The following OXR1 variants were observed in gnomAD, a reference collection of about 807,000 sequenced individuals.
OXR1 encodes oxidation resistance 1, also known as oxidation resistance protein 1.
Under a neutral mutation model 104.6 loss-of-function variants are expected in OXR1, and 41 were observed. The ratio of observed to expected loss-of-function variants is 0.39; its 90% confidence interval spans 0.31 to 0.51. The LOEUF (loss-of-function observed/expected upper bound fraction) is 0.51. Among genes scored for constraint, OXR1 ranks in the 20% least tolerant of loss-of-function variants. The pLI is 0.77. For synonymous variants in OXR1, 348 were observed against 348.4 expected (o/e 1.00, Z 0.01); for missense variants, 955 against 1,031.9 (o/e 0.93, Z 1.02).
intron 2 of OXR1, among the ~76,000 whole-genome samples, chr8:106,415,208 T>A (rs1026053257): frequency 3.9e-5 from 6 of 152,164 alleles, no homozygotes; most frequent in Non-Finnish European, 5.9e-5. Flanking sequence ...AAATCTCTCA[T>A]CCTTGTAAAT....
At chr8:106,484,949 G>T (rs1305746848) in intron 2 of OXR1, among the ~76,000 whole-genome samples, 3 of 151,768 alleles carry the variant, frequency 2.0e-5, no homozygotes, top group African/African-American at 7.3e-5. Flanking sequence ...GTAGATAAAT[G>T]GATAAATAAA....
intron 1 of OXR1, among the ~76,000 whole-genome samples, chr8:106,298,517 C>T (rs1266313913): frequency 4.6e-5 from 7 of 152,074 alleles, no homozygotes; most frequent in Non-Finnish European, 8.8e-5. Context: ...CCCAGCCAGA[C>T]CATATCAGAA....
At chr8:106,277,330 T>C (rs1238075737) in intron 1 of OXR1, among the ~76,000 whole-genome samples, 1 of 152,202 alleles carries the variant, frequency 6.6e-6, no homozygotes, top group Non-Finnish European at 1.5e-5. Flanking sequence ...TTAAGAATCA[T>C]ATCCACCGGA....
intron 2 of OXR1, among the ~76,000 whole-genome samples, chr8:106,470,688 A>G (rs1234191202): frequency 6.6e-6 from 1 of 151,454 alleles, no homozygotes; most frequent in Non-Finnish European, 1.5e-5. Flanking sequence ...TAGATAGAAA[A>G]GAGAAGGCCA....
chr8:106,339,519 AATATATATATAT>A (rs756741127), intron 1 of OXR1, among the ~76,000 whole-genome samples: 447 of 33,284 alleles, frequency 0.013, 26 homozygotes, highest in African/African-American at 0.038. Flanking sequence ...AAAAAAAAAA[AATATATATATAT>A]ATATATATAT....
At chr8:106,516,420 G>A (rs1812864116) in intron 2 of OXR1, among the ~76,000 whole-genome samples, 1 of 152,138 alleles carries the variant, frequency 6.6e-6, no homozygotes, top group Non-Finnish European at 1.5e-5. Flanking sequence ...TGTTTTGCCT[G>A]TGTTGTTCAC....
At chr8:106,518,333 G>C (rs1214002792) in intron 2 of OXR1, among the ~76,000 whole-genome samples, 3 of 152,142 alleles carry the variant, frequency 2.0e-5, no homozygotes, top group African/African-American at 7.2e-5. Flanking sequence ...ACAATGATTT[G>C]TATGCCAAAG....
chr8:106,671,098 T>G (rs2131156433), intron 3 of OXR1, among the ~76,000 whole-genome samples: 1 of 143,248 alleles, frequency 7.0e-6, no homozygotes, highest in South Asian at 2.2e-4. Flanking sequence ...AAGAAAAACT[T>G]TAATTCAGAT....
intron 3 of OXR1, among the ~76,000 whole-genome samples, chr8:106,615,535 G>C (rs1174477935): frequency 1.3e-5 from 2 of 150,872 alleles, no homozygotes; most frequent in Non-Finnish European, 2.9e-5. Flanking sequence ...TTGAGCCCAG[G>C]AGGCAGAAGT....
intron 12 of OXR1, among the ~76,000 whole-genome samples, chr8:106,739,075 T>TACACACACACAC (rs71307086): frequency 0.022 from 3,148 of 141,574 alleles, 76 homozygotes; most frequent in East Asian, 0.05. Flanking sequence ...TTAAATAGCA[T>TACACACACACAC]ACACACACAC....
intron 3 of OXR1, among the ~76,000 whole-genome samples, chr8:106,558,261 T>C (rs141116822): frequency 2.8e-4 from 42 of 152,346 alleles, no homozygotes; most frequent in African/African-American, 8.9e-4. Context: ...CGTATTGCTA[T>C]GTACCAAAGC....
intron 6 of OXR1, among the ~76,000 whole-genome samples, chr8:106,689,736 A>G (rs1829090836): frequency 6.6e-6 from 1 of 151,912 alleles, no homozygotes; most frequent in African/African-American, 2.4e-5. Flanking sequence ...AATATTTGTA[A>G]AATATTGTGA....
rs369873144 is a variant in OXR1, at chr8:106,506,878, C to T, written c.24-12065C>T. Reference sequence around the variant, plus strand: ...GGCTGAGATGGAAGGATTGCTTGAGCTCAGGAATTCAAGACCAAGCTGGGC... The same window carrying T: ...GGCTGAGATGGAAGGATTGCTTGAGTTCAGGAATTCAAGACCAAGCTGGGC... On this transcript the variant is annotated intron_variant, in intron 2 of 16. Transcript: ENST00000517566. Among the ~76,000 whole-genome samples, 6 of 151,936 alleles carry T rather than the reference C, an allele frequency of 3.9e-5. No homozygotes were observed. In the East Asian group the frequency reaches 5.9e-4, roughly 15 times the overall value.
At chr8:106,383,736 C>G (rs1817255321) in intron 2 of OXR1, among the ~76,000 whole-genome samples, 1 of 152,102 alleles carries the variant, frequency 6.6e-6, no homozygotes, top group Non-Finnish European at 1.5e-5. Flanking sequence ...TAGGAATTAA[C>G]TTCATTGACT....
In OXR1 at chr8:106,674,599, G is replaced by T. The variant is rs191022462; in HGVS notation, c.221-4611G>T. ...AATGTGAAAGGGACATGAAATTTGGGAGGGGCCAGGGGCAGAATGATATGG... is the reference window on the plus strand; with the variant it reads ...AATGTGAAAGGGACATGAAATTTGGTAGGGGCCAGGGGCAGAATGATATGG... On this transcript the variant is annotated intron_variant, in intron 3 of 16. Transcript: ENST00000517566. Among the ~76,000 whole-genome samples the T allele has an allele frequency of 9.9e-5, 15 of 152,224 alleles. No individual in the cohort carries two copies. In the East Asian group the frequency reaches 2.9e-3, roughly 29 times the overall value.
At chr8:106,636,290 G>A (rs1264634165) in intron 3 of OXR1, among the ~76,000 whole-genome samples, 1 of 151,494 alleles carries the variant, frequency 6.6e-6, no homozygotes, top group Non-Finnish European at 1.5e-5. Context: ...ACCCTTTAAT[G>A]TACTTACTCA....
At chr8:106,596,271 C>T (rs1364945154) in intron 3 of OXR1, among the ~76,000 whole-genome samples, 1 of 152,074 alleles carries the variant, frequency 6.6e-6, no homozygotes. Context: ...CATGGGGAAA[C>T]TCTGTCTCTA....
In OXR1 at chr8:106,707,450, C is replaced by T. The variant is rs566608991; in HGVS notation, c.1624+305C>T. 2.9e-5 allele frequency: 15 copies of T among 514,724 alleles called. No homozygotes were observed. The South Asian group carries it at 4.2e-4, about 14-fold the overall frequency. 31.9% of individuals were successfully genotyped at this position (514,724 alleles called of 1,614,324 possible). A position where few individuals can be genotyped will look rare whatever the true frequency, so the allele number is the denominator to read the frequency against. On this transcript the variant is annotated intron_variant, in intron 9 of 16. Coordinates refer to ENST00000517566, the MANE Select transcript of OXR1 (RefSeq NM_001198533.2). ...GAAATTGCACAAAAGCTGTATAATACCTTTGATCACTCCATTTTCTCTTAA... is the reference window on the plus strand; with the variant it reads ...GAAATTGCACAAAAGCTGTATAATATCTTTGATCACTCCATTTTCTCTTAA...
chr8:106,489,541 A>T (rs1810936584), intron 2 of OXR1, among the ~76,000 whole-genome samples: 1 of 152,184 alleles, frequency 6.6e-6, no homozygotes, highest in Admixed American at 6.5e-5. Flanking sequence ...GATACTAAGT[A>T]AATATTTATT....
Sources: allele counts gnomAD v4.1 joint callset (sites outside exome capture counted in the v4.1 genomes callset), GRCh38; gene constraint gnomAD v4.1.1; transcripts MANE v1.5; gene names NCBI Gene and HGNC (gene_info 2026-07-23, HGNC 2026-07-21).